Variants in SPRY1 observed in about 807,000 individuals in gnomAD.
SPRY1 encodes sprouty RTK signaling antagonist 1.
Under a neutral mutation model 22.6 loss-of-function variants are expected in SPRY1, and 20 were observed. That is an observed-to-expected ratio of 0.89 (90% CI 0.62 to 1.29). The LOEUF is 1.29. Among genes scored for constraint, SPRY1 ranks in the 50% most tolerant of loss-of-function variants. SPRY1 has a pLI of 0.00. For missense variants in SPRY1, 446 were observed against 387.7 expected, an observed-to-expected ratio of 1.15 and a Z score of -1.26; for synonymous variants, 155 against 144.7, an observed-to-expected ratio of 1.07 and a Z score of -0.51.
In SPRY1 at chr4:123,402,329, C is replaced by T; in HGVS notation, c.738C>T (p.Cys246=). 6.2e-7 allele frequency: 1 copy of T among 1,614,226 alleles called. No individual in the cohort carries two copies. Among genetic ancestry groups the T allele is most frequent in the East Asian group, 2.2e-5 (1 of 44,892 alleles). ...DEGDSYSDNP[C]SCSQSHCCSR... ...GGGATTCCTATTCAGATAATCCTTG[C>T]TCCTGTTCACAATCACACTGCTGCT... Residue 246 remains cysteine, a synonymous_variant, in exon 3 of 3, where the codon TGC becomes TGT. Coordinates refer to ENST00000651917, the MANE Select transcript of SPRY1 (RefSeq NM_001258038.2).
At chr4:123,399,020 C>T (rs1327732859) in intron 2 of SPRY1, among the ~76,000 whole-genome samples, 2 of 152,168 alleles carry the variant, frequency 1.3e-5, no homozygotes, top group South Asian at 2.1e-4. Flanking sequence ...CCAGCCGCAA[C>T]TTTCTTCTGG....
chr4:123,397,912 T>G (rs1724978680), intron 2 of SPRY1, 56 bp downstream of exon 2: 1 of 150,920 alleles, frequency 6.6e-6, no homozygotes, highest in Non-Finnish European at 1.5e-5. Context: ...GGCAGGCGCG[T>G]GCTCCGAGGT....
intron 2 of SPRY1, among the ~76,000 whole-genome samples, chr4:123,399,096 G>C (rs1019325680): frequency 4.6e-5 from 7 of 151,604 alleles, no homozygotes; most frequent in Non-Finnish European, 7.4e-5. Flanking sequence ...GGGGAAGTCG[G>C]CTGGGCGCGG....
At chr4:123,401,450 T>G in intron 2 of SPRY1, 87 bp from the exon 3 acceptor site, 1 of 1,211,730 alleles carries the variant, frequency 8.3e-7, no homozygotes, top group Middle Eastern at 3.0e-4. Flanking sequence ...GTTTAGGCAA[T>G]TTGTGATTTG....
In SPRY1 at chr4:123,402,296, C is replaced by T. The variant is rs138952375; in HGVS notation, c.705C>T (p.Asp235=). The change falls in exon 3 of 3, where the codon GAC becomes GAT. Residue 235 remains aspartate, a synonymous_variant. Transcript: ENST00000651917. ...GCATCTTCTACCACTGCTCCAATGA[C>T]GACGAAGGGGATTCCTATTCAGATA... ...VKGIFYHCSN[D]DEGDSYSDNP... 1.4e-4 allele frequency: 222 copies of T among 1,614,078 alleles called. No homozygotes were observed. Among genetic ancestry groups the T allele is most frequent in the Non-Finnish European group, 1.8e-4 (217 of 1,180,036 alleles).
At chr4:123,398,137 A>C (rs1416554944) in intron 2 of SPRY1, 7 of 152,022 alleles carry the variant, frequency 4.6e-5, no homozygotes, top group Non-Finnish European at 1.0e-4. Context: ...CGACTCCGCC[A>C]CTCCCCTACT....
At chr4:123,401,427 T>G in intron 2 of SPRY1, 110 bp from the exon 3 acceptor site, 3 of 885,458 alleles carry the variant, frequency 3.4e-6, no homozygotes, top group South Asian at 1.7e-5. Context: ...ATGAAGGAGG[T>G]CATTACTAGG....
chr4:123,399,306 G>A (rs955911473), intron 2 of SPRY1, among the ~76,000 whole-genome samples: 10 of 151,982 alleles, frequency 6.6e-5, no homozygotes, highest in Non-Finnish European at 1.3e-4. Flanking sequence ...AACCCGGGAG[G>A]CGGAGGTTGC....
chr4:123,398,917 G>C (rs1725029827), intron 2 of SPRY1, among the ~76,000 whole-genome samples: 1 of 152,102 alleles, frequency 6.6e-6, no homozygotes, highest in Non-Finnish European at 1.5e-5. Flanking sequence ...TCAAGCAGGG[G>C]GACGACAAAG....
At chr4:123,398,281 C>G (rs1378299695) in intron 2 of SPRY1, 1 of 152,136 alleles carries the variant, frequency 6.6e-6, no homozygotes, top group Non-Finnish European at 1.5e-5. Context: ...AGGTCCGGGC[C>G]CGGCCGCGCG....
At position 123,403,505 on chromosome 4, in the gene SPRY1, T is replaced by C. The variant is rs1246250580; in HGVS notation, c.*954T>C. On this transcript the variant is annotated 3_prime_UTR_variant, in exon 3 of 3. Transcript: ENST00000651917. Reference sequence around the variant, plus strand: ...GCCTTAACCACAAATTGTGGTGCTTTTTGTATATTTTATGTATAAATCACA... The same window carrying C: ...GCCTTAACCACAAATTGTGGTGCTTCTTGTATATTTTATGTATAAATCACA... 1 of 167,102 alleles carries C rather than the reference T, an allele frequency of 6.0e-6. No homozygotes were observed. Among genetic ancestry groups the C allele is most frequent in the African/African-American group, 2.4e-5 (1 of 41,470 alleles). The allele number at this position is 167,102 out of a possible 1,614,324, so 10.4% of individuals were successfully genotyped here.
At chr4:123,398,595 TC>T (rs1248700805) in intron 2 of SPRY1, 7 of 152,008 alleles carry the variant, frequency 4.6e-5, no homozygotes, top group Non-Finnish European at 2.9e-5. Context: ...AGGTGCGGAC[TC>T]GGCGGCGCTG....
At chr4:123,400,092 G>A (rs1725088779) in intron 2 of SPRY1, 1 of 152,172 alleles carries the variant, frequency 6.6e-6, no homozygotes, top group Non-Finnish European at 1.5e-5. Flanking sequence ...GCTACCTTTT[G>A]CTTTGAAAGC....
chr4:123,400,367 G>GT (rs1383281878), intron 2 of SPRY1: 1 of 152,194 alleles, frequency 6.6e-6, no homozygotes, highest in Non-Finnish European at 1.5e-5. Context: ...CTTAAACCAT[G>GT]TTTTTTGCCT....
chr4:123,401,468 T>G (rs1026996856), intron 2 of SPRY1, 69 bp from the exon 3 acceptor site: 4 of 1,003,420 alleles, frequency 4.0e-6, no homozygotes, highest in African/African-American at 1.7e-5. Flanking sequence ...TTGACAGGAT[T>G]CCCCCCCCCC....
At chr4:123,397,452 T>C (rs906242460) in intron 1 of SPRY1, among the ~76,000 whole-genome samples, 159 bp from the exon 2 acceptor site, 2 of 152,182 alleles carry the variant, frequency 1.3e-5, no homozygotes, top group African/African-American at 2.4e-5. Flanking sequence ...GGTTCGCGGC[T>C]GACACGCCGA....
chr4:123,400,764 ACTTT>A (rs1009699104), intron 2 of SPRY1, among the ~76,000 whole-genome samples: 4 of 152,280 alleles, frequency 2.6e-5, no homozygotes, highest in Non-Finnish European at 5.9e-5. Context: ...CATAAAACTT[ACTTT>A]GTTTTGTGAG....
chr4:123,402,626 T>G lies in SPRY1; in HGVS notation c.*75T>G. The G allele has an allele frequency of 6.6e-7, 1 of 1,517,640 alleles. No individual in the cohort carries two copies. The highest frequency in any genetic ancestry group is 1.4e-5 in the African/African-American group (1 of 71,740). The allele number at this position is 1,517,640 out of a possible 1,614,324, so 94.0% of individuals were successfully genotyped here. On this transcript the variant is annotated 3_prime_UTR_variant, in exon 3 of 3. Transcript: ENST00000651917. The stretch of plus-strand genomic sequence containing the variant: ...CTGTTTTTTGTTTTTGTTTTTGTTT[T>G]TGTTTTCTTTAGAATTTTTCCCTGT...
At chr4:123,401,189 TCTC>T (rs1725131197) in intron 2 of SPRY1, among the ~76,000 whole-genome samples, 2 of 152,332 alleles carry the variant, frequency 1.3e-5, no homozygotes, top group Non-Finnish European at 2.9e-5. Flanking sequence ...TGAGAGTTAT[TCTC>T]CTGCTTATAC....
Sources: gnomAD v4.1 joint callset for allele counts (sites outside exome capture counted in the v4.1 genomes callset) on GRCh38, gnomAD v4.1.1 for gene constraint, MANE v1.5 for transcripts, NCBI Gene and HGNC (gene_info 2026-07-23, HGNC 2026-07-21) for gene names.